SYNC: variants seen among roughly 807,000 people sequenced by gnomAD.
The protein encoded by SYNC is syncoilin, intermediate filament protein.
A neutral mutation model predicts 49.5 loss-of-function variants in SYNC; 38 were observed. The ratio of observed to expected loss-of-function variants is 0.77; its 90% CI spans 0.59 to 1.01. SYNC has a LOEUF of 1.01. SYNC is among the 50% of genes least tolerant of loss of function. SYNC has a pLI of 0.00. For missense variants in SYNC, 579 were observed against 580.6 expected (o/e 1.00, Z 0.03); for synonymous variants, 201 against 230.8 (o/e 0.87, Z 1.17).
At chr1:32,692,610 G>C (rs1043128178) in intron 2 of SYNC, among the ~76,000 whole-genome samples, 9 of 151,850 alleles carry the variant, frequency 5.9e-5, no homozygotes, top group African/African-American at 2.2e-4. Flanking sequence ...GCTGGGCATG[G>C]TGGCACAGGT....
chr1:32,693,638 A>G (rs1231681138), intron 2 of SYNC, among the ~76,000 whole-genome samples: 2 of 152,214 alleles, frequency 1.3e-5, no homozygotes, highest in Non-Finnish European at 2.9e-5. Flanking sequence ...GAGTAATACA[A>G]CAATAAGTAA....
intron 2 of SYNC, chr1:32,685,678 C>G (rs1649774857): frequency 6.6e-6 from 1 of 152,192 alleles, no homozygotes; most frequent in South Asian, 2.1e-4. Flanking sequence ...AAGAGGGAAG[C>G]ATCTGCATAC....
chr1:32,696,611 G>A (rs1185918011), intron 1 of SYNC, among the ~76,000 whole-genome samples: 3 of 151,982 alleles, frequency 2.0e-5, no homozygotes, highest in Admixed American at 2.0e-4. Flanking sequence ...CACCACGCCC[G>A]GCTAATTTTT....
Position 32,693,075 on chromosome 1 carries a change from T to C in SYNC, c.1233+1790A>G, listed in dbSNP as rs564997631. Among the ~76,000 whole-genome samples, 659 of 140,292 alleles carry C rather than the reference T, an allele frequency of 4.7e-3. 6 individuals carry two copies. The highest frequency in any genetic ancestry group is 8.1e-3 in the Non-Finnish European group (505 of 62,666). The allele number at this position is 140,292 out of a possible 152,430, so 92.0% of individuals were successfully genotyped here. On this transcript the variant is annotated intron_variant, in intron 2 of 4. Coordinates refer to ENST00000409190, the MANE Select transcript of SYNC (RefSeq NM_030786.3). ...CCCCAAAAACCACAGTGTTTTTTTT[T>C]TGTTTGTTTGTTTTTGTTTGTTTTT...
chr1:32,696,749 A>G (rs1428505714), intron 1 of SYNC, among the ~76,000 whole-genome samples: 1 of 151,384 alleles, frequency 6.6e-6, no homozygotes, highest in African/African-American at 2.4e-5. Context: ...CGCCCAGCCC[A>G]GTTCTAATAA....
chr1:32,688,906 A>G (rs1650023171), intron 2 of SYNC, among the ~76,000 whole-genome samples: 1 of 150,780 alleles, frequency 6.6e-6, no homozygotes, highest in Non-Finnish European at 1.5e-5. Context: ...CTTTGAGGGC[A>G]GGAGCATTAC....
chr1:32,683,756 C>T (rs1482456538), intron 4 of SYNC: 1 of 392,584 alleles, frequency 2.5e-6, no homozygotes, highest in African/African-American at 2.1e-5. Context: ...CCTTGGCCTC[C>T]TGAGTAGCTG....
chr1:32,699,447 G>A (rs1038901549), intron 1 of SYNC, among the ~76,000 whole-genome samples: 3 of 151,364 alleles, frequency 2.0e-5, no homozygotes, highest in Admixed American at 6.6e-5. Context: ...GAGTCACTGC[G>A]CCTGGCCAAA....
chr1:32,691,116 G>A (rs1376613480), intron 2 of SYNC, among the ~76,000 whole-genome samples: 1 of 152,076 alleles, frequency 6.6e-6, no homozygotes, highest in African/African-American at 2.4e-5. Flanking sequence ...TACTCGGGAG[G>A]CTGAGGCAGG....
chr1:32,685,977 CTG>C (rs1278665411), intron 2 of SYNC: 2 of 152,304 alleles, frequency 1.3e-5, no homozygotes, highest in African/African-American at 4.8e-5. Flanking sequence ...ACTTGAACCT[CTG>C]TTACTCTTCC....
At chr1:32,697,153 C>A (rs1481327141) in intron 1 of SYNC, among the ~76,000 whole-genome samples, 3 of 151,932 alleles carry the variant, frequency 2.0e-5, no homozygotes, top group East Asian at 3.9e-4. Flanking sequence ...TAAAGAGAAC[C>A]ATGGTCGGCC....
chr1:32,691,622 G>A (rs985048575), intron 2 of SYNC, among the ~76,000 whole-genome samples: 10 of 151,456 alleles, frequency 6.6e-5, no homozygotes, highest in African/African-American at 2.4e-4. Flanking sequence ...TGATGCAGCA[G>A]ACTACTGAAT....
At chr1:32,698,629 G>A (rs1425514454) in intron 1 of SYNC, among the ~76,000 whole-genome samples, 3 of 152,168 alleles carry the variant, frequency 2.0e-5, no homozygotes, top group Admixed American at 1.3e-4. Flanking sequence ...CGCTCTTGAA[G>A]TCAGATTCCA....
At chr1:32,687,855 A>ATTATTATTAATTATTATTATT (rs71006359) in intron 2 of SYNC, among the ~76,000 whole-genome samples, 2 of 135,516 alleles carry the variant, frequency 1.5e-5, no homozygotes, top group Admixed American at 1.5e-4. Flanking sequence ...TATTATTATT[A>ATTATTATTAATTATTATTATT]TTATTATTTT....
At chr1:32,687,222 G>T (rs1376392937) in intron 2 of SYNC, among the ~76,000 whole-genome samples, 1 of 151,894 alleles carries the variant, frequency 6.6e-6, no homozygotes, top group Non-Finnish European at 1.5e-5. Context: ...TTAGCCGGGC[G>T]TGGTGGCAGG....
rs528378036 is a variant in SYNC at position 32,702,723 on chromosome 1, C to G, written c.-63G>C. 4.6e-6 allele frequency: 5 copies of G among 1,095,816 alleles called. No homozygotes were observed. The highest frequency in any genetic ancestry group is 3.3e-6 in the Non-Finnish European group (3 of 899,826). The allele number at this position is 1,095,816 out of a possible 1,614,324, so 67.9% of individuals were successfully genotyped here. ...AGCCGGGCCCGCGGGCCCCTCGCTC[C>G]GGCGCCCGCGCCCGCCGCACTGCCA... On this transcript the variant is annotated 5_prime_UTR_variant, in exon 1 of 5. Coordinates refer to ENST00000409190, the MANE Select transcript of SYNC (RefSeq NM_030786.3). The surrounding 1 kb of genome is among the most constrained non-coding windows in gnomAD (Gnocchi z 6.2).
At position 32,695,221 on chromosome 1, in the gene SYNC, C is replaced by A. The variant is rs891108187; in HGVS notation, c.877G>T (p.Asp293Tyr). 2.6e-6 allele frequency: 4 copies of A among 1,553,672 alleles called. No individual in the cohort carries two copies. The South Asian group carries it at 4.7e-5, about 18-fold the overall frequency. The change falls in exon 2 of 5, where the codon GAT becomes TAT. Residue 293 changes from aspartate to tyrosine, a missense_variant. By Grantham distance (160) the Asp-to-Tyr change is radical (BLOSUM62 -3). Coordinates refer to ENST00000409190, the MANE Select transcript of SYNC (RefSeq NM_030786.3). ...QLSEELAQLR[D>Y]AYQKQKEQLR... ...TGCTCCTTCTGCTTCTGATAGGCAT[C>A]CCGGAGCTGGGCCAGTTCCTCTGAG... is the stretch of plus-strand genomic sequence containing the variant.
At chr1:32,685,117 T>C (rs602580) in intron 2 of SYNC, 148,198 of 152,306 alleles carry the variant, frequency 0.97, 72,233 homozygotes, top group South Asian at 1. Context: ...CCCAAAGTGC[T>C]GGGATTACAG....
rs1360509561 is a variant in SYNC, at chr1:32,680,072, G to T, written c.*1778C>A. 2 of 1,073,464 alleles carry T rather than the reference G, an allele frequency of 1.9e-6. No homozygotes were observed. Among genetic ancestry groups the T allele is most frequent in the African/African-American group, 1.7e-5 (1 of 59,472 alleles). The allele number at this position is 1,073,464 out of a possible 1,614,324, so 66.5% of individuals were successfully genotyped here. On this transcript the variant is annotated 3_prime_UTR_variant, in exon 5 of 5. Coordinates refer to ENST00000409190, the MANE Select transcript of SYNC (RefSeq NM_030786.3). ...AGGAATAGAGCCAAATGAGGTAGGT[G>T]TCTGAGCCATGAAGTATAAATACTG...
Sources: allele counts gnomAD v4.1 joint callset (sites outside exome capture counted in the v4.1 genomes callset), GRCh38; gene constraint gnomAD v4.1.1; non-coding constraint Gnocchi (gnomAD v3.1); transcripts MANE v1.5; gene names NCBI Gene and HGNC (gene_info 2026-07-23, HGNC 2026-07-21).